Variants in SBF1 observed in about 807,000 individuals in gnomAD.
The protein encoded by SBF1 is myotubularin-related protein 5.
A neutral mutation model predicts 215.8 loss-of-function variants in SBF1; 65 were observed. The observed-to-expected ratio is 0.30, with a 90% confidence interval of 0.25 to 0.37. The LOEUF is 0.37. SBF1 is among the 10% of genes least tolerant of loss of function. The pLI is 1.00. For missense variants in SBF1, 2,634 were observed against 2,667.8 expected (o/e 0.99, Z 0.28); for synonymous variants, 1,410 against 1,122.8 (o/e 1.26, Z -5.11).
chr22:50,448,920 C>T lies in SBF1; in HGVS notation c.5044-270G>A, dbSNP rs532346484. ...CCCAACAGGGTAAGTTAAAAACACA[C>T]ACCCCGGCCAGGCGTGGTGGCTCAC... On this transcript the variant is annotated intron_variant, in intron 36 of 40. Coordinates refer to ENST00000380817, the MANE Select transcript of SBF1 (RefSeq NM_002972.4). Among the ~76,000 whole-genome samples the T allele has an allele frequency of 3.3e-5, 5 of 152,312 alleles. No individual in the cohort carries two copies. The South Asian group carries it at 1.0e-3, about 32-fold the overall frequency.
Position 50,460,546 on chromosome 22 carries a change from C to A in SBF1, c.3134G>T (p.Gly1045Val). 1 of 1,614,098 alleles carries A rather than the reference C, an allele frequency of 6.2e-7. No homozygotes were observed. The highest frequency in any genetic ancestry group is 1.7e-5 in the Admixed American group (1 of 60,028). The change falls in exon 24 of 41, where the codon GGT (glycine) becomes GTT (valine). Residue 1045 changes from glycine (G) to valine (V), a missense_variant. Physicochemically the swap from Gly to Val is moderately radical, Grantham distance 109 (BLOSUM62 -3). Transcript: ENST00000380817. ...GRPPRVTKDK[G>V]PSLRTLSRNL... ...CCCAGATCCATACCTGAGGGAAGGACCCTTGTCCTTGGTGACTCGCGGTGG... is the reference window on the plus strand; with the variant it reads ...CCCAGATCCATACCTGAGGGAAGGAACCTTGTCCTTGGTGACTCGCGGTGG...
chr22:50,459,705 C>G, intron 26 of SBF1, 39 bp from the exon 27 acceptor site: 1 of 1,543,364 alleles, frequency 6.5e-7, no homozygotes, highest in South Asian at 1.2e-5. Context: ...CTGGCGACCC[C>G]ACCCGCCTCC....
intron 28 of SBF1, among the ~76,000 whole-genome samples, chr22:50,458,503 C>G (rs903670348): frequency 1.3e-5 from 2 of 151,992 alleles, no homozygotes; most frequent in Non-Finnish European, 2.9e-5. Flanking sequence ...GCCCCACCTG[C>G]AAATGCCACT....
intron 28 of SBF1, among the ~76,000 whole-genome samples, chr22:50,458,304 C>CA (rs35742256): frequency 0.47 from 38,319 of 82,218 alleles, 8,186 homozygotes; most frequent in Middle Eastern, 0.57. Flanking sequence ...GACTCCGACT[C>CA]AAAAAAAAAA....
At chr22:50,463,541 G>A in intron 15 of SBF1, 109 bp from the exon 16 acceptor site, 1 of 1,238,834 alleles carries the variant, frequency 8.1e-7, no homozygotes, top group Non-Finnish European at 1.1e-6. Context: ...TTTCAGGTGG[G>A]GTGTGCCAGA....
At position 50,462,186 on chromosome 22, in the gene SBF1, C is replaced by G. The variant is rs2067545624; in HGVS notation, c.2396+19G>C. 1.2e-6 allele frequency: 2 copies of G among 1,606,622 alleles called. No homozygotes were observed. Among genetic ancestry groups the G allele is most frequent in the African/African-American group, 2.7e-5 (2 of 74,942 alleles). On this transcript the variant is annotated intron_variant, in intron 19 of 40. Coordinates refer to ENST00000380817, the MANE Select transcript of SBF1 (RefSeq NM_002972.4). ...ACGGCCCCGCCTCCACTGGGCCCAACCCCCAGTCCCTGCCTCACCTGTTGG... is the reference window on the plus strand; with the variant it reads ...ACGGCCCCGCCTCCACTGGGCCCAAGCCCCAGTCCCTGCCTCACCTGTTGG...
intron 36 of SBF1, among the ~76,000 whole-genome samples, chr22:50,452,088 G>A (rs555847256): frequency 7.4e-4 from 110 of 148,988 alleles, no homozygotes; most frequent in South Asian, 6.6e-3. Context: ...GAGCCGCTGC[G>A]CCCAGCCTAG....
intron 30 of SBF1, 22 bp downstream of exon 30, chr22:50,456,463 TCACCCCC>T (rs769598325): frequency 3.3e-5 from 18 of 543,376 alleles, no homozygotes; most frequent in South Asian, 7.1e-5. Context: ...GCCCCCACCC[TCACCCCC>T]CACCCCCCGC....
chr22:50,459,014 C>T (rs935075949), intron 28 of SBF1, among the ~76,000 whole-genome samples: 9 of 152,152 alleles, frequency 5.9e-5, no homozygotes, highest in Non-Finnish European at 7.4e-5. Flanking sequence ...AGGTGGAGAG[C>T]GGGCAGGACG....
At chr22:50,474,535 G>T (rs147338216) in intron 1 of SBF1, among the ~76,000 whole-genome samples, 1 of 152,090 alleles carries the variant, frequency 6.6e-6, no homozygotes, top group African/African-American at 2.4e-5. Flanking sequence ...CGGGCTGTCC[G>T]GTCGGCCCTG....
chr22:50,472,242 G>A (rs1406876378), intron 1 of SBF1, among the ~76,000 whole-genome samples: 1 of 152,208 alleles, frequency 6.6e-6, no homozygotes, highest in Non-Finnish European at 1.5e-5. Context: ...CACCTTTCCT[G>A]AGAGGTTTCC....
chr22:50,459,697 G>T, intron 26 of SBF1, 31 bp from the exon 27 acceptor site: 2 of 1,566,244 alleles, frequency 1.3e-6, no homozygotes, highest in Non-Finnish European at 1.7e-6. Flanking sequence ...GAAGGTGGCT[G>T]GCGACCCCAC....
In SBF1 at chr22:50,455,028, G is replaced by A. The variant is rs767346084; in HGVS notation, c.4669C>T (p.Arg1557Cys). The change falls in exon 34 of 41, where the codon CGC becomes TGC. Residue 1557 changes from arginine to cysteine, a missense_variant. Physicochemically the swap from Arg to Cys is radical, Grantham distance 180. Coordinates refer to ENST00000380817, the MANE Select transcript of SBF1 (RefSeq NM_002972.4). ...RTFLLDSDYERIELGLLYEEK... is the reference protein window; with the variant it reads ...RTFLLDSDYECIELGLLYEEK... ...ACTCCCCACATACCCAGCTCAATGC[G>A]CTCATAGTCAGAGTCGAGCAGGAAG... 6.2e-7 allele frequency: 1 copy of A among 1,614,072 alleles called. No homozygotes were observed. The highest frequency in any genetic ancestry group is 8.5e-7 in the Non-Finnish European group (1 of 1,180,008).
At chr22:50,452,577 G>T in intron 36 of SBF1, among the ~76,000 whole-genome samples, 1 of 151,886 alleles carries the variant, frequency 6.6e-6, no homozygotes, top group Admixed American at 6.6e-5. Context: ...AAAAAATTTA[G>T]CCGGGCATGA....
At position 50,459,309 on chromosome 22, in the gene SBF1, C is replaced by T. The variant is rs370712299; in HGVS notation, c.3772G>A (p.Ala1258Thr). ...CCGCTAAGCGTGTTGCGTCCCGACG[C>T]GTCGGCGTAGCGGGGCATGGAGCTG... ...VVSSMPRYAD[A>T]SGRNTLSGFS... Residue 1258 changes from alanine (A) to threonine (T), a missense_variant, in exon 28 of 41, where the codon GCG becomes ACG. Ala to Thr is a moderately conservative substitution (Grantham distance 58). Transcript: ENST00000380817. 128 of 1,612,142 alleles carry T rather than the reference C, an allele frequency of 7.9e-5. No individual in the cohort carries two copies. The highest frequency in any genetic ancestry group is 3.3e-4 in the Middle Eastern group (2 of 6,070).
At position 50,464,436 on chromosome 22, in the gene SBF1, T is replaced by A. The variant is rs374844148; in HGVS notation, c.1642A>T (p.Ile548Leu). 1 of 1,613,210 alleles carries A rather than the reference T, an allele frequency of 6.2e-7. No homozygotes were observed. The highest frequency in any genetic ancestry group is 1.1e-5 in the South Asian group (1 of 91,044). Residue 548 changes from isoleucine (I) to leucine (L), a missense_variant, in exon 15 of 41, where the codon ATA becomes TTA. Coordinates refer to ENST00000380817, the MANE Select transcript of SBF1 (RefSeq NM_002972.4). ...TGCAGCCCACTGCACCGCTCCAGTATGGCAGCTGCGGGGACAGAATACACA... is the reference window on the plus strand; with the variant it reads ...TGCAGCCCACTGCACCGCTCCAGTAAGGCAGCTGCGGGGACAGAATACACA... ...TVPSGPPMTA[I>L]LERCSGLHVN...
intron 28 of SBF1, among the ~76,000 whole-genome samples, chr22:50,458,278 G>C (rs754436043): frequency 1.3e-4 from 19 of 148,074 alleles, no homozygotes; most frequent in African/African-American, 2.5e-4. Flanking sequence ...GCACTCCAGC[G>C]TGGGTGACAG....
At chr22:50,465,652 TG>T in intron 10 of SBF1, 110 bp downstream of exon 10, 1 of 1,014,202 alleles carries the variant, frequency 9.9e-7, no homozygotes, top group Non-Finnish European at 1.4e-6. Flanking sequence ...CTTCTGCTAC[TG>T]GAGCCGGGGC....
rs374844330 is a variant in SBF1, at chr22:50,446,891, G to A, written c.*251C>T. 5.5e-5 allele frequency: 41 copies of A among 742,692 alleles called. No homozygotes were observed. The highest frequency in any genetic ancestry group is 3.0e-4 in the East Asian group (12 of 40,138). The allele number at this position is 742,692 out of a possible 1,614,324, so 46.0% of individuals were successfully genotyped here. On this transcript the variant is annotated 3_prime_UTR_variant, in exon 41 of 41. Transcript: ENST00000380817. ...TGGACCAGCACACGCTGACGGGGCC[G>A]GACTATTTACAGGCCCATTGCGGGC...
Sources: allele counts gnomAD v4.1 joint callset (sites outside exome capture counted in the v4.1 genomes callset), GRCh38; gene constraint gnomAD v4.1.1; transcripts MANE v1.5; gene names NCBI Gene and HGNC (gene_info 2026-07-23, HGNC 2026-07-21).